FXYD6: variants seen among roughly 807,000 people sequenced by gnomAD.
The protein encoded by FXYD6 is FXYD domain-containing ion transport regulator 6.
Under a neutral mutation model 16.7 loss-of-function variants are expected in FXYD6, and 7 were observed. That is an observed-to-expected ratio of 0.42 (90% confidence interval 0.24 to 0.79). The LOEUF (loss-of-function observed/expected upper bound fraction) is 0.79. Among genes scored for constraint, FXYD6 ranks in the 30% least tolerant of loss-of-function variants. FXYD6 has a pLI of 0.28. For synonymous variants in FXYD6, 49 were observed against 43.0 expected (o/e 1.14, Z -0.54); for missense variants, 111 against 116.2 (o/e 0.95, Z 0.21).
intron 1 of FXYD6, among the ~76,000 whole-genome samples, chr11:117,873,093 G>A (rs1293318441): frequency 6.6e-6 from 1 of 152,136 alleles, no homozygotes; most frequent in Non-Finnish European, 1.5e-5. Flanking sequence ...GTAGACCACA[G>A]CATCCAGGAG....
chr11:117,874,378 A>G lies in FXYD6; in HGVS notation c.-6+2214T>C, dbSNP rs1292833908. Reference sequence around the variant, plus strand: ...GTCTTGGGAGAACCCTGGCAAGCCTAGAGCCCTTTGCACACCCGCTTCCTC... The same window carrying G: ...GTCTTGGGAGAACCCTGGCAAGCCTGGAGCCCTTTGCACACCCGCTTCCTC... On this transcript the variant is annotated intron_variant, in intron 1 of 7. Transcript: ENST00000526014. 1.3e-5 allele frequency among the ~76,000 whole-genome samples: 2 copies of G among 152,340 alleles called. 1 individual carries two copies.
intron 1 of FXYD6, among the ~76,000 whole-genome samples, chr11:117,862,171 G>C (rs963101424): frequency 6.6e-6 from 1 of 152,280 alleles, no homozygotes; most frequent in African/African-American, 2.4e-5. Flanking sequence ...TGGCCCAGGG[G>C]CCAAGTCCCC....
intron 1 of FXYD6, chr11:117,844,262 T>C (rs1358024025): frequency 2.6e-5 from 4 of 152,366 alleles, no homozygotes; most frequent in African/African-American, 9.6e-5. Flanking sequence ...TGCTGTCTCA[T>C]TTCACACTTG....
intron 1 of FXYD6, among the ~76,000 whole-genome samples, chr11:117,866,856 G>A (rs1270374307): frequency 9.9e-5 from 15 of 152,198 alleles, no homozygotes; most frequent in South Asian, 4.1e-4. Flanking sequence ...GCCTTTCACC[G>A]TGGGCTGCAG....
intron 1 of FXYD6, 68 bp from the exon 2 acceptor site, chr11:117,842,849 AG>A: frequency 6.6e-7 from 1 of 1,520,246 alleles, no homozygotes; most frequent in Non-Finnish European, 8.9e-7. Flanking sequence ...TCCAAGCGTC[AG>A]CCTGACCAGG....
chr11:117,855,264 A>G (rs1186533418), intron 1 of FXYD6, among the ~76,000 whole-genome samples: 1 of 152,114 alleles, frequency 6.6e-6, no homozygotes, highest in East Asian at 1.9e-4. Flanking sequence ...AAAGTGACCC[A>G]TTCTCTACTC....
chr11:117,866,989 G>A (rs1278632874), intron 1 of FXYD6, among the ~76,000 whole-genome samples: 1 of 152,188 alleles, frequency 6.6e-6, no homozygotes, highest in Non-Finnish European at 1.5e-5. Flanking sequence ...AAGGAGAGAC[G>A]TTTAAATGTC....
intron 1 of FXYD6, among the ~76,000 whole-genome samples, chr11:117,856,847 C>A (rs2056738927): frequency 6.6e-6 from 1 of 152,138 alleles, no homozygotes; most frequent in South Asian, 2.1e-4. Flanking sequence ...GATGAGGTAC[C>A]TGATTCATCC....
intron 1 of FXYD6, among the ~76,000 whole-genome samples, chr11:117,851,791 C>T (rs763650991): frequency 6.6e-6 from 1 of 152,348 alleles, no homozygotes; most frequent in East Asian, 1.9e-4. Flanking sequence ...GACCCTACGG[C>T]GATCCCCAGT....
chr11:117,874,229 C>G (rs1248810061), intron 1 of FXYD6, among the ~76,000 whole-genome samples: 2 of 152,190 alleles, frequency 1.3e-5, no homozygotes, highest in Non-Finnish European at 2.9e-5. Flanking sequence ...ACAGTAGACA[C>G]TTAAAACAGT....
intron 6 of FXYD6, 177 bp from the exon 7 acceptor site, chr11:117,840,007 C>T (rs1231367051): frequency 1.0e-5 from 8 of 768,760 alleles, no homozygotes; most frequent in Non-Finnish European, 1.7e-5. Context: ...CTTACAGGAA[C>T]CTGGTAACCT....
At chr11:117,853,946 G>A (rs1245260272) in intron 1 of FXYD6, among the ~76,000 whole-genome samples, 2 of 152,128 alleles carry the variant, frequency 1.3e-5, no homozygotes, top group Non-Finnish European at 2.9e-5. Flanking sequence ...AAAGTGGAAA[G>A]TCCCCTTATG....
chr11:117,863,264 C>A (rs2134191904), intron 1 of FXYD6, among the ~76,000 whole-genome samples: 1 of 152,182 alleles, frequency 6.6e-6, no homozygotes, highest in South Asian at 2.1e-4. Flanking sequence ...AAATTGGAGG[C>A]CCCAATTTAT....
intron 1 of FXYD6, among the ~76,000 whole-genome samples, chr11:117,850,558 A>G (rs2056585780): frequency 6.6e-6 from 1 of 152,216 alleles, no homozygotes; most frequent in Non-Finnish European, 1.5e-5. Flanking sequence ...TATTGTGACT[A>G]TTGATGTAGT....
At chr11:117,851,445 G>C (rs1376980480) in intron 1 of FXYD6, among the ~76,000 whole-genome samples, 3 of 152,198 alleles carry the variant, frequency 2.0e-5, no homozygotes, top group Non-Finnish European at 4.4e-5. Flanking sequence ...AAGTGAGCTT[G>C]GAAACAGATC....
At chr11:117,842,944 T>C (rs2056388249) in intron 1 of FXYD6, among the ~76,000 whole-genome samples, 163 bp from the exon 2 acceptor site, 1 of 152,062 alleles carries the variant, frequency 6.6e-6, no homozygotes, top group South Asian at 2.1e-4. Context: ...TTGACTTTTT[T>C]TTTTTTTGAG....
intron 1 of FXYD6, among the ~76,000 whole-genome samples, chr11:117,854,003 A>C (rs1313738989): frequency 6.6e-6 from 1 of 152,180 alleles, no homozygotes; most frequent in Non-Finnish European, 1.5e-5. Context: ...CAAAGTATGA[A>C]ATAAGGTAAG....
intron 1 of FXYD6, among the ~76,000 whole-genome samples, chr11:117,868,611 C>T (rs1233291812): frequency 3.9e-5 from 6 of 152,058 alleles, no homozygotes; most frequent in South Asian, 2.1e-4. Flanking sequence ...AGAAAAAGGA[C>T]ATAAGGTACA....
chr11:117,862,120 C>G (rs1181994731), intron 1 of FXYD6, among the ~76,000 whole-genome samples: 1 of 152,066 alleles, frequency 6.6e-6, no homozygotes, highest in Non-Finnish European at 1.5e-5. Flanking sequence ...GAGAGGCAGG[C>G]AAAGGAAAGA....
Sources: gnomAD v4.1 joint callset for allele counts (sites outside exome capture counted in the v4.1 genomes callset) on GRCh38, gnomAD v4.1.1 for gene constraint, MANE v1.5 for transcripts, NCBI Gene and HGNC (gene_info 2026-07-23, HGNC 2026-07-21) for gene names.